Variants in ZNF385C observed in about 807,000 individuals in gnomAD.
The protein encoded by ZNF385C is CTD-2132N18.2.
In ZNF385C, 28 loss-of-function variants were observed where a neutral mutation model predicts 35.4. That is an observed-to-expected ratio of 0.79 (90% confidence interval 0.59 to 1.08). ZNF385C has a LOEUF of 1.08. Among genes scored for constraint, ZNF385C ranks in the 50% least tolerant of loss-of-function variants. ZNF385C has a pLI of 0.00. For synonymous variants in ZNF385C, 248 were observed against 248.2 expected, an observed-to-expected ratio of 1.00 and a Z score of 0.01; for missense variants, 605 against 595.6, an observed-to-expected ratio of 1.02 and a Z score of -0.16.
chr17:42,041,711 T>C (rs1555656146), intron 2 of ZNF385C, among the ~76,000 whole-genome samples: 1 of 152,164 alleles, frequency 6.6e-6, no homozygotes, highest in East Asian at 1.9e-4. Context: ...CCAGTCACCC[T>C]GGGTCCCAGC....
At chr17:42,045,688 G>A (rs1473960270) in intron 2 of ZNF385C, among the ~76,000 whole-genome samples, 3 of 152,096 alleles carry the variant, frequency 2.0e-5, no homozygotes, top group Non-Finnish European at 2.9e-5. Flanking sequence ...AGGCCCTCAC[G>A]GTATCACCTC....
intron 2 of ZNF385C, among the ~76,000 whole-genome samples, chr17:42,046,405 C>T (rs1423116983): frequency 6.6e-6 from 1 of 152,000 alleles, no homozygotes; most frequent in Non-Finnish European, 1.5e-5. Flanking sequence ...CCAGCCTGGG[C>T]AACATAAGGA....
Position 42,031,520 on chromosome 17 carries a change from T to C in ZNF385C, c.676+99A>G. 2.8e-6 allele frequency: 4 copies of C among 1,431,034 alleles called. 1 individual carries two copies. In the South Asian group the frequency reaches 5.6e-5, roughly 20 times the overall value. 88.6% of individuals were successfully genotyped at this position (1,431,034 alleles called of 1,614,324 possible). On this transcript the variant is annotated intron_variant, in intron 5 of 8. Coordinates refer to ENST00000692273, the MANE Select transcript of ZNF385C (RefSeq NM_001392013.1). ...GCCTTTGCCTGTCTGTATGGAATAC[T>C]CCAACACAAGCAAAAAGAATAAGCA...
intron 1 of ZNF385C, among the ~76,000 whole-genome samples, chr17:42,068,589 A>G (rs1219578769): frequency 1.3e-5 from 2 of 152,124 alleles, no homozygotes; most frequent in Non-Finnish European, 2.9e-5. Flanking sequence ...TGTAGGGATC[A>G]AGTGAACCTC....
intron 2 of ZNF385C, among the ~76,000 whole-genome samples, chr17:42,057,509 CGCGCGTGT>C (rs1411148845): frequency 6.9e-6 from 1 of 144,096 alleles, no homozygotes; most frequent in African/African-American, 2.9e-5. Flanking sequence ...CGCGCGCGCG[CGCGCGTGT>C]GTGTGTGTGT....
chr17:42,063,477 A>G (rs2053496590), intron 1 of ZNF385C, among the ~76,000 whole-genome samples: 2 of 152,194 alleles, frequency 1.3e-5, no homozygotes, highest in South Asian at 4.1e-4. Flanking sequence ...GCAGTGAGCC[A>G]AGATCGGGTG....
intron 2 of ZNF385C, among the ~76,000 whole-genome samples, chr17:42,055,434 TG>T (rs2053358149): frequency 1.3e-5 from 2 of 150,236 alleles, no homozygotes; most frequent in Non-Finnish European, 3.0e-5. Flanking sequence ...GGGTCACACC[TG>T]GGGGAGGGGG....
chr17:42,081,828 C>T (rs1042854428), intron 1 of ZNF385C, among the ~76,000 whole-genome samples: 8 of 152,332 alleles, frequency 5.3e-5, no homozygotes, highest in Non-Finnish European at 7.3e-5. Context: ...GGAGCTTGTC[C>T]GGCATCCTAG....
intron 1 of ZNF385C, among the ~76,000 whole-genome samples, chr17:42,094,907 T>C (rs1555660869): frequency 6.6e-6 from 1 of 152,018 alleles, no homozygotes; most frequent in African/African-American, 2.4e-5. Flanking sequence ...CCAAGGTGAA[T>C]GAAAAGTCAC....
chr17:42,058,284 G>A (rs1425112599), intron 2 of ZNF385C, among the ~76,000 whole-genome samples: 3 of 152,152 alleles, frequency 2.0e-5, no homozygotes, highest in African/African-American at 7.2e-5. Context: ...CACTGTGGAA[G>A]CCTCCAGCCC....
In ZNF385C at chr17:42,090,838, T is replaced by C. The variant is rs559677921; in HGVS notation, c.-3+7572A>G. Among the ~76,000 whole-genome samples the C allele has an allele frequency of 6.6e-3, 997 of 151,964 alleles. 10 individuals are homozygous for C. The highest frequency in any genetic ancestry group is 0.023 in the African/African-American group (941 of 41,500). ...CGGAGCTTGCAGTGAGCCGAGATCC[T>C]GCCACTGCACTCCAGCCTGGGCGAC... On this transcript the variant is annotated intron_variant, in intron 1 of 8. Transcript: ENST00000692273.
At chr17:42,084,413 A>G (rs2053783840) in intron 1 of ZNF385C, among the ~76,000 whole-genome samples, 1 of 152,024 alleles carries the variant, frequency 6.6e-6, no homozygotes, top group Admixed American at 6.6e-5. Context: ...TGTTTTAAAC[A>G]TTTTTACATC....
chr17:42,031,393 G>A (rs1333503975), intron 5 of ZNF385C, among the ~76,000 whole-genome samples: 3 of 152,330 alleles, frequency 2.0e-5, no homozygotes, highest in Admixed American at 1.3e-4. Flanking sequence ...TCAAGGTAAT[G>A]ACCAGGAGGA....
In ZNF385C at chr17:42,062,973, TG is replaced by T; in HGVS notation, c.83del (p.Pro28GlnfsTer25). The stretch of plus-strand genomic sequence containing the variant: ...TTTCTCGCTTGGGCTTAGGTGGTTC[TG>T]GGGGCCGAGGGAGGCACTCAGCAGC... ...SGAAECLPRP[P>X]EPPKPKRERK... On this transcript the variant is annotated frameshift_variant, in exon 2 of 9. Coordinates refer to ENST00000692273, the MANE Select transcript of ZNF385C (RefSeq NM_001392013.1). LOFTEE classifies it high-confidence loss of function. 1 of 694,204 alleles carries T rather than the reference TG, an allele frequency of 1.4e-6. No homozygotes were observed. The allele number at this position is 694,204 out of a possible 1,614,324, so 43.0% of individuals were successfully genotyped here.
chr17:42,040,209 C>T, intron 2 of ZNF385C: 2 of 1,231,604 alleles, frequency 1.6e-6, no homozygotes. Context: ...CCAGCGAAGG[C>T]CCGGGGTAGG....
intron 1 of ZNF385C, among the ~76,000 whole-genome samples, chr17:42,087,833 T>C (rs914074633): frequency 1.9e-4 from 29 of 152,218 alleles, no homozygotes; most frequent in African/African-American, 5.8e-4. Flanking sequence ...TTAGTGATTA[T>C]ACCTCCGTAA....
chr17:42,080,140 C>T (rs1226634074), intron 1 of ZNF385C, among the ~76,000 whole-genome samples: 1 of 152,240 alleles, frequency 6.6e-6, no homozygotes, highest in Non-Finnish European at 1.5e-5. Context: ...GTGGCCGTCT[C>T]TCCAGAATAT....
intron 1 of ZNF385C, among the ~76,000 whole-genome samples, chr17:42,079,144 G>C (rs1250157152): frequency 6.8e-6 from 1 of 146,558 alleles, no homozygotes; most frequent in African/African-American, 2.5e-5. Flanking sequence ...TTGAGCCCAG[G>C]AGTTTGAGAC....
intron 2 of ZNF385C, chr17:42,040,008 G>T: frequency 8.1e-7 from 1 of 1,231,058 alleles, no homozygotes; most frequent in Non-Finnish European, 1.0e-6. Flanking sequence ...GGGCCCGCGG[G>T]CCGAGCCGCC....
Sources: gnomAD v4.1 joint callset for allele counts (sites outside exome capture counted in the v4.1 genomes callset) on GRCh38, gnomAD v4.1.1 for gene constraint, MANE v1.5 for transcripts, NCBI Gene and HGNC (gene_info 2026-07-23, HGNC 2026-07-21) for gene names.